Variants in F13A1 observed in about 807,000 individuals in gnomAD.
F13A1 encodes coagulation factor XIII A chain, also known as FSF, A subunit.
In F13A1, 47 loss-of-function variants were observed where a neutral mutation model predicts 80.1. The observed-to-expected ratio is 0.59, with a 90% confidence interval of 0.46 to 0.75. The LOEUF is 0.75. Among genes scored for constraint, F13A1 ranks in the 30% least tolerant of loss-of-function variants. The pLI, the probability that F13A1 is intolerant of heterozygous loss-of-function variation, is 0.00. For synonymous variants in F13A1, 349 were observed against 344.9 expected, an observed-to-expected ratio of 1.01 and a Z score of -0.13; for missense variants, 817 against 930.4, an observed-to-expected ratio of 0.88 and a Z score of 1.59.
intron 8 of F13A1, among the ~76,000 whole-genome samples, chr6:6,198,367 T>G (rs182387906): frequency 6.6e-6 from 1 of 152,324 alleles, no homozygotes; most frequent in South Asian, 2.1e-4. Context: ...CATTAACCCC[T>G]CAGCACTATA....
intron 3 of F13A1, among the ~76,000 whole-genome samples, chr6:6,268,493 T>A (rs1757875599): frequency 6.6e-6 from 1 of 152,096 alleles, no homozygotes; most frequent in African/African-American, 2.4e-5. Flanking sequence ...TGTTTTGGAG[T>A]TGATGAGAAC....
chr6:6,299,109 G>A (rs1344474719), intron 3 of F13A1, among the ~76,000 whole-genome samples: 25 of 143,296 alleles, frequency 1.7e-4, no homozygotes, highest in Non-Finnish European at 3.1e-4. Context: ...GGTTTCTGCC[G>A]AGAGATCCGC....
chr6:6,145,755 G>A lies in F13A1; in HGVS notation c.2063C>T (p.Ser688Phe). The A allele has an allele frequency of 6.2e-7, 1 of 1,614,114 alleles. No individual in the cohort carries two copies. The highest frequency in any genetic ancestry group is 8.5e-7 in the Non-Finnish European group (1 of 1,180,004). ...KKMFREIRPNSTVQWEEVCRP... is the reference protein window; with the variant it reads ...KKMFREIRPNFTVQWEEVCRP... ...GCACACTTCTTCCCACTGCACGGTGGAGTTGGGCCGGATTTCACTGAAAGG... is the reference window on the plus strand; with the variant it reads ...GCACACTTCTTCCCACTGCACGGTGAAGTTGGGCCGGATTTCACTGAAAGG... The change falls in exon 15 of 15, where the codon TCC (serine) becomes TTC (phenylalanine). Residue 688 changes from serine (S) to phenylalanine (F), a missense_variant. Ser to Phe is a radical substitution (Grantham distance 155). Coordinates refer to ENST00000264870, the MANE Select transcript of F13A1 (RefSeq NM_000129.4).
At chr6:6,296,441 C>T (rs1020751166) in intron 3 of F13A1, among the ~76,000 whole-genome samples, 2 of 145,566 alleles carry the variant, frequency 1.4e-5, no homozygotes, top group African/African-American at 5.2e-5. Flanking sequence ...GTTTGTAGTT[C>T]TCCTTGAAGA....
chr6:6,181,265 G>A (rs1444665792), intron 11 of F13A1, among the ~76,000 whole-genome samples: 1 of 152,150 alleles, frequency 6.6e-6, no homozygotes, highest in Non-Finnish European at 1.5e-5. Flanking sequence ...TGTTTCCAAA[G>A]ACCCCTCTGC....
intron 4 of F13A1, among the ~76,000 whole-genome samples, chr6:6,258,769 T>A (rs1015165498): frequency 3.9e-5 from 6 of 152,296 alleles, no homozygotes; most frequent in Middle Eastern, 3.4e-3. Context: ...AAGGTTAAAA[T>A]TTTTCCATAA....
At chr6:6,311,989 T>C (rs1758608507) in intron 2 of F13A1, among the ~76,000 whole-genome samples, 2 of 147,982 alleles carry the variant, frequency 1.4e-5, no homozygotes, top group African/African-American at 4.9e-5. Flanking sequence ...AATATATTTA[T>C]ATATGATATG....
chr6:6,149,821 C>T (rs3823194), intron 14 of F13A1, among the ~76,000 whole-genome samples: 30,825 of 152,228 alleles, frequency 0.2, 3,265 homozygotes, highest in Middle Eastern at 0.28. Flanking sequence ...TAACTACTAA[C>T]AGTACCTTAA....
At chr6:6,273,314 C>T (rs1757946169) in intron 3 of F13A1, among the ~76,000 whole-genome samples, 1 of 152,158 alleles carries the variant, frequency 6.6e-6, no homozygotes, top group African/African-American at 2.4e-5. Context: ...GTCAGTGAGG[C>T]TGAACTGAGC....
chr6:6,255,805 G>T (rs1434753680), intron 4 of F13A1, among the ~76,000 whole-genome samples: 1 of 152,054 alleles, frequency 6.6e-6, no homozygotes, highest in Non-Finnish European at 1.5e-5. Context: ...AGTCAAATGG[G>T]AAGGCTCGAT....
intron 4 of F13A1, among the ~76,000 whole-genome samples, chr6:6,259,427 G>A (rs2113114396): frequency 1.3e-5 from 2 of 152,154 alleles, no homozygotes; most frequent in South Asian, 4.1e-4. Context: ...CAAGATATTG[G>A]GAACATATTG....
intron 4 of F13A1, among the ~76,000 whole-genome samples, chr6:6,252,581 TGA>T (rs1757648551): frequency 6.6e-6 from 1 of 152,224 alleles, no homozygotes; most frequent in South Asian, 2.1e-4. Flanking sequence ...CCATTAACTC[TGA>T]GAGTCATATA....
chr6:6,173,404 C>A (rs1429534318), intron 12 of F13A1, among the ~76,000 whole-genome samples: 1 of 144,114 alleles, frequency 6.9e-6, no homozygotes, highest in Non-Finnish European at 1.5e-5. Flanking sequence ...AGCCTCCATT[C>A]TTTTCTTTTT....
chr6:6,249,681 G>A (rs3024384), intron 5 of F13A1, among the ~76,000 whole-genome samples: 10,342 of 152,140 alleles, frequency 0.068, 381 homozygotes, highest in Non-Finnish European at 0.08. Context: ...TCATATTTGG[G>A]CCATAAATAG....
intron 11 of F13A1, among the ~76,000 whole-genome samples, chr6:6,178,353 A>T (rs1029111130): frequency 6.6e-6 from 1 of 152,156 alleles, no homozygotes; most frequent in African/African-American, 2.4e-5. Flanking sequence ...TAGGCTACAG[A>T]GCTGGAGGGG....
At chr6:6,209,323 T>TAA (rs34436663) in intron 8 of F13A1, among the ~76,000 whole-genome samples, 5,879 of 131,726 alleles carry the variant, frequency 0.045, 241 homozygotes, top group African/African-American at 0.1. Flanking sequence ...CAATAATAAT[T>TAA]AAAAAAAAAA....
intron 3 of F13A1, among the ~76,000 whole-genome samples, chr6:6,293,290 G>A (rs1454502968): frequency 6.6e-6 from 1 of 152,000 alleles, no homozygotes; most frequent in Non-Finnish European, 1.5e-5. Flanking sequence ...CCTCAACTGG[G>A]TATCAAAAAA....
At chr6:6,237,819 G>C (rs1757432555) in intron 6 of F13A1, among the ~76,000 whole-genome samples, 1 of 152,210 alleles carries the variant, frequency 6.6e-6, no homozygotes, top group Admixed American at 6.5e-5. Context: ...CTAGCACAGA[G>C]TGGGAACTCA....
chr6:6,145,856 C>A, intron 14 of F13A1, 84 bp from the exon 15 acceptor site: 19 of 1,582,570 alleles, frequency 1.2e-5, no homozygotes, highest in South Asian at 2.2e-5. Flanking sequence ...TTGCCTAAGT[C>A]ACTTGCTTTC....
Sources: gnomAD v4.1 joint callset for allele counts (sites outside exome capture counted in the v4.1 genomes callset) on GRCh38, gnomAD v4.1.1 for gene constraint, MANE v1.5 for transcripts, NCBI Gene and HGNC (gene_info 2026-07-23, HGNC 2026-07-21) for gene names.